Variants in GUCA1C observed in about 807,000 individuals in gnomAD.
GUCA1C encodes guanylate cyclase activator 1C, also known as guanylyl cyclase-activating protein 3.
Under a neutral mutation model 16.2 loss-of-function variants are expected in GUCA1C, and 15 were observed. The observed-to-expected ratio is 0.93, with a 90% CI of 0.62 to 1.43. The LOEUF is 1.43. Among genes scored for constraint, GUCA1C ranks in the 40% most tolerant of loss-of-function variants. The probability of loss-of-function intolerance (pLI) is 0.00; values close to 1 mark genes in which losing one functional copy is unlikely to be tolerated. For missense variants in GUCA1C, 275 were observed against 244.8 expected (o/e 1.12, Z -0.82); for synonymous variants, 78 against 85.4 (o/e 0.91, Z 0.48).
intron 1 of GUCA1C, among the ~76,000 whole-genome samples, chr3:108,944,298 G>A (rs1458849280): frequency 6.6e-6 from 1 of 152,180 alleles, no homozygotes; most frequent in African/African-American, 2.4e-5. Context: ...GAAACCTGAG[G>A]ATGACCCTGT....
chr3:108,949,072 T>G (rs773305723), intron 1 of GUCA1C, among the ~76,000 whole-genome samples: 11 of 152,166 alleles, frequency 7.2e-5, no homozygotes, highest in Non-Finnish European at 1.2e-4. Flanking sequence ...GGTCTCGAAC[T>G]CCTGACCTCA....
intron 2 of GUCA1C, among the ~76,000 whole-genome samples, chr3:108,917,785 C>T (rs1425052413): frequency 6.6e-6 from 1 of 152,128 alleles, no homozygotes; most frequent in Non-Finnish European, 1.5e-5. Context: ...GTGACTCATA[C>T]CTTTGGTCCC....
At chr3:108,941,857 G>A (rs2107311525) in intron 1 of GUCA1C, among the ~76,000 whole-genome samples, 1 of 152,308 alleles carries the variant, frequency 6.6e-6, no homozygotes, top group Middle Eastern at 3.4e-3. Context: ...TGTAAGTGTA[G>A]TCCTGACGAC....
rs760175823 is a variant in GUCA1C, at chr3:108,920,421, T to C, written c.354+15A>G. ...ATATAGCGGCCTGAAAAGGATACTTTACTACTTCACTTACCATGAACATGT... is the reference window on the plus strand; with the variant it reads ...ATATAGCGGCCTGAAAAGGATACTTCACTACTTCACTTACCATGAACATGT... On this transcript the variant is annotated intron_variant, in intron 2 of 3. Coordinates refer to ENST00000261047, the MANE Select transcript of GUCA1C (RefSeq NM_005459.4). 1.5e-5 allele frequency: 24 copies of C among 1,597,950 alleles called. No individual in the cohort carries two copies. Among genetic ancestry groups the C allele is most frequent in the Non-Finnish European group, 2.0e-5 (23 of 1,165,924 alleles).
chr3:108,928,237 T>G lies in GUCA1C; in HGVS notation c.205-7652A>C, dbSNP rs188560883. On this transcript the variant is annotated intron_variant, in intron 1 of 3. Coordinates refer to ENST00000261047, the MANE Select transcript of GUCA1C (RefSeq NM_005459.4). ...ATGTCAGTCTCCACACACTGCTCCATCCATCTGAGCAGGAGCTGCAAGCTA... is the reference window on the plus strand; with the variant it reads ...ATGTCAGTCTCCACACACTGCTCCAGCCATCTGAGCAGGAGCTGCAAGCTA... Among the ~76,000 whole-genome samples, 5 of 152,324 alleles carry G rather than the reference T, an allele frequency of 3.3e-5. No individual in the cohort carries two copies. In the East Asian group the frequency reaches 9.7e-4, roughly 29 times the overall value.
intron 2 of GUCA1C, among the ~76,000 whole-genome samples, chr3:108,917,173 A>G (rs988150161): frequency 1.2e-4 from 19 of 152,232 alleles, no homozygotes; most frequent in African/African-American, 4.6e-4. Flanking sequence ...ACAGCATCAC[A>G]TTTGAAGAAA....
chr3:108,953,642 T>C lies in GUCA1C; in HGVS notation c.121A>G (p.Lys41Glu). 1 of 1,613,068 alleles carries C rather than the reference T, an allele frequency of 6.2e-7. No homozygotes were observed. Among genetic ancestry groups the C allele is most frequent in the African/African-American group, 1.3e-5 (1 of 75,030 alleles). ...PSGLQTLHEF[K>E]TLLGLQGLNQ... The stretch of plus-strand genomic sequence containing the variant: ...AGACCTTGCAGACCCAAAAGTGTCT[T>C]AAATTCATGTAGTGTTTGCAGGCCG... Residue 41 changes from lysine to glutamate, a missense_variant, in exon 1 of 4, where the codon AAG becomes GAG. Transcript: ENST00000261047.
At chr3:108,925,120 T>C (rs1421365523) in intron 1 of GUCA1C, among the ~76,000 whole-genome samples, 1 of 151,826 alleles carries the variant, frequency 6.6e-6, no homozygotes, top group Non-Finnish European at 1.5e-5. Flanking sequence ...TTTTTTTGTT[T>C]CAATTTCATT....
At chr3:108,908,667 A>T (rs1318555027) in intron 3 of GUCA1C, among the ~76,000 whole-genome samples, 1 of 152,168 alleles carries the variant, frequency 6.6e-6, no homozygotes, top group Non-Finnish European at 1.5e-5. Flanking sequence ...AAGCTTCAAC[A>T]TGTGTTCATT....
chr3:108,910,563 G>A (rs1449548867), intron 3 of GUCA1C, among the ~76,000 whole-genome samples: 1 of 152,002 alleles, frequency 6.6e-6, no homozygotes, highest in Non-Finnish European at 1.5e-5. Context: ...AGAGCAGGGA[G>A]ATCATGGGAC....
chr3:108,916,265 A>G (rs2107279025), intron 2 of GUCA1C, 51 bp from the exon 3 acceptor site: 1 of 1,572,572 alleles, frequency 6.4e-7, no homozygotes, highest in South Asian at 1.2e-5. Flanking sequence ...AAGCAAATAC[A>G]TTTTGCAACA....
At chr3:108,934,808 C>CTTTTTTTTTTTTTTTTTTTTTTTT (rs71629371) in intron 1 of GUCA1C, among the ~76,000 whole-genome samples, 1 of 86,110 alleles carries the variant, frequency 1.2e-5, no homozygotes, top group Non-Finnish European at 2.0e-5. Context: ...TGTTCTTGAT[C>CTTTTTTTTTTTTTTTTTTTTTTTT]TTTTTTTTTT....
chr3:108,917,869 AC>A (rs1380761792), intron 2 of GUCA1C, among the ~76,000 whole-genome samples: 1 of 151,900 alleles, frequency 6.6e-6, no homozygotes, highest in Admixed American at 6.6e-5. Context: ...ATATGGTGAA[AC>A]CCCGTTTCTA....
intron 1 of GUCA1C, among the ~76,000 whole-genome samples, chr3:108,923,921 G>T (rs562232995): frequency 6.6e-6 from 1 of 152,234 alleles, no homozygotes; most frequent in African/African-American, 2.4e-5. Context: ...ATTGTGAAAG[G>T]GGTTGAGTTC....
At chr3:108,924,572 G>A (rs1222071051) in intron 1 of GUCA1C, among the ~76,000 whole-genome samples, 1 of 151,958 alleles carries the variant, frequency 6.6e-6, no homozygotes, top group African/African-American at 2.4e-5. Context: ...TTGCATCTTT[G>A]TTCATCAGGG....
At chr3:108,934,197 G>A (rs1946698212) in intron 1 of GUCA1C, among the ~76,000 whole-genome samples, 1 of 152,088 alleles carries the variant, frequency 6.6e-6, no homozygotes, top group African/African-American at 2.4e-5. Context: ...GGCAAGGGGA[G>A]GGAAAGCATT....
chr3:108,931,349 T>C (rs575566100), intron 1 of GUCA1C, among the ~76,000 whole-genome samples: 1 of 152,376 alleles, frequency 6.6e-6, no homozygotes, highest in East Asian at 1.9e-4. Context: ...ATTCAGGCTT[T>C]AAGAGCTCTG....
chr3:108,911,712 C>G (rs1374364558), intron 3 of GUCA1C, among the ~76,000 whole-genome samples: 1 of 152,204 alleles, frequency 6.6e-6, no homozygotes, highest in Admixed American at 6.5e-5. Context: ...TGGCTTTTCA[C>G]AATATTCCAG....
chr3:108,919,221 CT>C (rs139275135), intron 2 of GUCA1C, among the ~76,000 whole-genome samples: 47,241 of 151,642 alleles, frequency 0.31, 7,478 homozygotes, highest in African/African-American at 0.32. Flanking sequence ...TTCCTATGTT[CT>C]TTTTTTCCCT....
Sources: allele counts gnomAD v4.1 joint callset (sites outside exome capture counted in the v4.1 genomes callset), GRCh38; gene constraint gnomAD v4.1.1; transcripts MANE v1.5; gene names NCBI Gene and HGNC (gene_info 2026-07-23, HGNC 2026-07-21).